Variants in BTN3A2 observed in about 807,000 individuals in gnomAD.
The protein encoded by BTN3A2 is butyrophilin subfamily 3 member A2, also known as butyrophilin protein.
In BTN3A2, 25 loss-of-function variants were observed where a neutral mutation model predicts 37.6. The observed-to-expected ratio is 0.66, with a 90% CI of 0.48 to 0.93. The LOEUF is 0.93. Among genes scored for constraint, BTN3A2 ranks in the 40% least tolerant of loss-of-function variants. The pLI, the probability that BTN3A2 is intolerant of heterozygous loss-of-function variation, is 0.00. For synonymous variants in BTN3A2, 122 were observed against 159.4 expected (o/e 0.77, Z 1.77); for missense variants, 266 against 410.9 (o/e 0.65, Z 3.05).
At chr6:26,366,634 A>G (rs748948831) in intron 1 of BTN3A2, among the ~76,000 whole-genome samples, 1 of 152,188 alleles carries the variant, frequency 6.6e-6, no homozygotes, top group Non-Finnish European at 1.5e-5. Flanking sequence ...GAGGAGCAGA[A>G]GATGTGGTGA....
Position 26,376,487 on chromosome 6 carries a change from C to A in BTN3A2, c.*725C>A. On this transcript the variant is annotated 3_prime_UTR_variant, in exon 11 of 11. Transcript: ENST00000377708. Reference sequence around the variant, plus strand: ...ACACGGGGTTCTGGAAGGACCTCCTCAGCATGGCCCAAGCCTTGCATGCTG... The same window carrying A: ...ACACGGGGTTCTGGAAGGACCTCCTAAGCATGGCCCAAGCCTTGCATGCTG... 2.6e-6 allele frequency: 3 copies of A among 1,170,116 alleles called. No individual in the cohort carries two copies. In the South Asian group the frequency reaches 4.8e-5, roughly 19 times the overall value. The allele number at this position is 1,170,116 out of a possible 1,614,324, so 72.5% of individuals were successfully genotyped here. A position where few individuals can be genotyped will look rare whatever the true frequency, so the allele number is the denominator to read the frequency against.
At chr6:26,373,488 G>GA in intron 8 of BTN3A2, 75 bp downstream of exon 8, 1 of 1,527,698 alleles carries the variant, frequency 6.5e-7, no homozygotes, top group African/African-American at 1.4e-5. Flanking sequence ...CAGCCCATAA[G>GA]TCATAGCCCA....
chr6:26,375,648 A>G, intron 10 of BTN3A2, 149 bp from the exon 11 acceptor site: 1 of 1,499,784 alleles, frequency 6.7e-7, no homozygotes. Flanking sequence ...TCTAGGGCAT[A>G]TAAGGCCCCA....
rs749166240 is a variant in BTN3A2 at position 26,377,117 on chromosome 6, C to T, written c.*1355C>T. 4.1e-5 allele frequency: 54 copies of T among 1,314,986 alleles called. No homozygotes were observed. In the Middle Eastern group the frequency reaches 1.3e-3, roughly 32 times the overall value. The allele number at this position is 1,314,986 out of a possible 1,614,324, so 81.5% of individuals were successfully genotyped here. A position where few individuals can be genotyped will look rare whatever the true frequency, so the allele number is the denominator to read the frequency against. On this transcript the variant is annotated 3_prime_UTR_variant, in exon 11 of 11. Transcript: ENST00000377708. ...CAATACCAAAAGTAGAGAGTTCCCC[C>T]GATCCCGACCTAGTGCCTGATCATT...
chr6:26,365,418 A>G, intron 1 of BTN3A2, 66 bp downstream of exon 1: 1 of 1,507,754 alleles, frequency 6.6e-7, no homozygotes, highest in East Asian at 2.5e-5. Context: ...TGAATCGCTG[A>G]GAGTGGTGAG....
chr6:26,366,565 A>T (rs1274630783), intron 1 of BTN3A2, among the ~76,000 whole-genome samples: 2 of 152,384 alleles, frequency 1.3e-5, no homozygotes, highest in East Asian at 3.9e-4. Context: ...GACAGCAGAG[A>T]AATTTTTAGC....
chr6:26,375,946 C>A lies in BTN3A2; in HGVS notation c.*184C>A. On this transcript the variant is annotated 3_prime_UTR_variant, in exon 11 of 11. Coordinates refer to ENST00000377708, the MANE Select transcript of BTN3A2 (RefSeq NM_007047.5). ...CTGAGGGCCAGCACAGCAGCTCATG[C>A]CTGTAATCCTAGCACTTTGGAAGGC... 1 of 1,296,986 alleles carries A rather than the reference C, an allele frequency of 7.7e-7. No homozygotes were observed. The highest frequency in any genetic ancestry group is 1.1e-6 in the Non-Finnish European group (1 of 933,570). 80.3% of individuals were successfully genotyped at this position (1,296,986 alleles called of 1,614,324 possible).
rs534380775 is a variant in BTN3A2, at chr6:26,373,020, T to C, written c.839T>C (p.Leu280Pro). The C allele has an allele frequency of 1.1e-4, 180 of 1,614,238 alleles. No homozygotes were observed. The South Asian group carries it at 1.7e-3, about 15-fold the overall frequency. Residue 280 changes from leucine (L) to proline (P), a missense_variant, in exon 6 of 11, where the codon CTG becomes CCG. Physicochemically the swap from Leu to Pro is moderately conservative, Grantham distance 98. This residue lies in a region of BTN3A2 where 204 missense variants were observed against 232.6 expected (regional missense o/e 0.88). Transcript: ENST00000377708. ...AGACAACAGAAGGAAATAACTGCTC[T>C]GTCCAGTGAGATAGAAAGTGAGCAA... The part of the protein sequence containing the change: ...LWRQQKEITA[L>P]SSEIESEQEM...
intron 5 of BTN3A2, 137 bp downstream of exon 5, chr6:26,370,740 T>A: frequency 7.0e-7 from 1 of 1,426,488 alleles, no homozygotes; most frequent in African/African-American, 1.4e-5. Context: ...AGGCTCCTCT[T>A]TGTGCCAGGG....
chr6:26,368,161 T>C lies in BTN3A2; in HGVS notation c.-5-17T>C, dbSNP rs753864448. On this transcript the variant is annotated splice_polypyrimidine_tract_variant and intron_variant, in intron 2 of 10. Coordinates refer to ENST00000377708, the MANE Select transcript of BTN3A2 (RefSeq NM_007047.5). ...ATAGTGTCTGTCCCACACCTTCTGGTATCTCTTGATATGCAGCATAGATGA... is the reference window on the plus strand; with the variant it reads ...ATAGTGTCTGTCCCACACCTTCTGGCATCTCTTGATATGCAGCATAGATGA... 6.2e-7 allele frequency: 1 copy of C among 1,612,804 alleles called. No homozygotes were observed. The highest frequency in any genetic ancestry group is 1.3e-5 in the African/African-American group (1 of 74,888).
chr6:26,370,397 G>A lies in BTN3A2; in HGVS notation c.509G>A (p.Gly170Asp), dbSNP rs1759982944. Reference protein sequence around the residue: ...GGIHLECRSTGWYPQPQIQWS... With the variant: ...GGIHLECRSTDWYPQPQIQWS... ...ATCCATCTGGAGTGCAGGTCCACCG[G>A]CTGGTACCCCCAACCCCAAATACAG... Residue 170 changes from glycine (G) to aspartate (D), a missense_variant, in exon 5 of 11, where the codon GGC (glycine) becomes GAC (aspartate). By Grantham distance (94) the Gly-to-Asp change is moderately conservative. This residue lies in a region of BTN3A2 where 204 missense variants were observed against 232.6 expected (regional missense o/e 0.88). Coordinates refer to ENST00000377708, the MANE Select transcript of BTN3A2 (RefSeq NM_007047.5). 5 of 1,614,174 alleles carry A rather than the reference G, an allele frequency of 3.1e-6. No individual in the cohort carries two copies. The East Asian group carries it at 6.7e-5, about 22-fold the overall frequency.
chr6:26,370,037 A>G lies in BTN3A2; in HGVS notation c.434-285A>G, dbSNP rs541324901. ...CCTTGCTGAAGGTAACAGCTCCTCTAAAGGAAGTCCTCAATGCATGAATCT... is the reference window on the plus strand; with the variant it reads ...CCTTGCTGAAGGTAACAGCTCCTCTGAAGGAAGTCCTCAATGCATGAATCT... On this transcript the variant is annotated intron_variant, in intron 4 of 10. Transcript: ENST00000377708. Among the ~76,000 whole-genome samples, 3 of 152,296 alleles carry G rather than the reference A, an allele frequency of 2.0e-5. No homozygotes were observed. The East Asian group carries it at 5.8e-4, about 29-fold the overall frequency.
intron 3 of BTN3A2, 45 bp from the exon 4 acceptor site, chr6:26,368,520 C>T (rs1759758179): frequency 6.2e-7 from 1 of 1,613,872 alleles, no homozygotes; most frequent in East Asian, 2.2e-5. Flanking sequence ...TCTCATGACC[C>T]CAACTCCAAA....
At chr6:26,369,872 C>A (rs1212928332) in intron 4 of BTN3A2, among the ~76,000 whole-genome samples, 1 of 152,140 alleles carries the variant, frequency 6.6e-6, no homozygotes, top group Non-Finnish European at 1.5e-5. Context: ...TCAGTGCAAT[C>A]CCTTGCCCTG....
At chr6:26,372,825 A>C (rs1447207099) in intron 5 of BTN3A2, 72 bp from the exon 6 acceptor site, 3 of 1,579,868 alleles carry the variant, frequency 1.9e-6, no homozygotes, top group Non-Finnish European at 1.7e-6. Context: ...TGAGCAGCTA[A>C]AGCTTGGGGT....
rs1261720377 is a variant in BTN3A2 at position 26,370,523 on chromosome 6, G to T, written c.635G>T (p.Gly212Val). ...YEVAASVIMR[G>V]GSGEGVSCII... Reference sequence around the variant, plus strand: ...GTAGCAGCATCTGTGATCATGAGAGGCGGCTCCGGGGAGGGTGTATCCTGC... The same window carrying T: ...GTAGCAGCATCTGTGATCATGAGAGTCGGCTCCGGGGAGGGTGTATCCTGC... The change falls in exon 5 of 11, where the codon GGC becomes GTC. Residue 212 changes from glycine to valine, a missense_variant. Physicochemically the swap from Gly to Val is moderately radical, Grantham distance 109 (BLOSUM62 -3). Coordinates refer to ENST00000377708, the MANE Select transcript of BTN3A2 (RefSeq NM_007047.5). 6.2e-7 allele frequency: 1 copy of T among 1,614,130 alleles called. No individual in the cohort carries two copies. Among genetic ancestry groups the T allele is most frequent in the African/African-American group, 1.3e-5 (1 of 74,948 alleles).
chr6:26,373,090 C>G lies in BTN3A2; in HGVS notation c.909C>G (p.Ser303Arg), dbSNP rs767266552. ...MGYAATEREI[S>R]LRESLQEELK... ...ATGCTGCAACAGAGCGGGAAATAAG[C>G]CTAAGAGGTATCCAACGCAAGCAGA... The change falls in exon 6 of 11, where the codon AGC (serine) becomes AGG (arginine). Residue 303 changes from serine to arginine, a missense_variant. By Grantham distance (110) the Ser-to-Arg change is moderately radical (BLOSUM62 -1). This residue lies in a region of BTN3A2 where 204 missense variants were observed against 232.6 expected (regional missense o/e 0.88). Coordinates refer to ENST00000377708, the MANE Select transcript of BTN3A2 (RefSeq NM_007047.5). 5.0e-6 allele frequency: 8 copies of G among 1,613,656 alleles called. No homozygotes were observed. Among genetic ancestry groups the G allele is most frequent in the Non-Finnish European group, 6.8e-6 (8 of 1,180,036 alleles).
In BTN3A2 at chr6:26,376,388, C is replaced by G; in HGVS notation, c.*626C>G. 5.1e-6 allele frequency: 2 copies of G among 391,846 alleles called. No homozygotes were observed. The highest frequency in any genetic ancestry group is 8.7e-6 in the Non-Finnish European group (2 of 230,390). The allele number at this position is 391,846 out of a possible 1,614,324, so 24.3% of individuals were successfully genotyped here. Reference sequence around the variant, plus strand: ...CAGATACTGACCTTACTTTCATTTCCCCTCTGGTCACTAGACCCCTGGGGC... The same window carrying G: ...CAGATACTGACCTTACTTTCATTTCGCCTCTGGTCACTAGACCCCTGGGGC... On this transcript the variant is annotated 3_prime_UTR_variant, in exon 11 of 11. Transcript: ENST00000377708.
intron 1 of BTN3A2, among the ~76,000 whole-genome samples, chr6:26,366,810 C>T (rs1759551632): frequency 6.6e-6 from 1 of 152,202 alleles, no homozygotes; most frequent in Admixed American, 6.5e-5. Flanking sequence ...GGTATGATGG[C>T]TGCAGGCCTC....
Sources: gnomAD v4.1 joint callset for allele counts (sites outside exome capture counted in the v4.1 genomes callset) on GRCh38, gnomAD v4.1.1 for gene constraint, gnomAD v4.1.1 regional missense constraint, MANE v1.5 for transcripts, NCBI Gene and HGNC (gene_info 2026-07-23, HGNC 2026-07-21) for gene names.